EDIL3: variants seen among roughly 807,000 people sequenced by gnomAD.
EDIL3 encodes the protein EGF-like repeat and discoidin I-like domain-containing protein 3.
A neutral mutation model predicts 67.4 loss-of-function variants in EDIL3; 37 were observed. The ratio of observed to expected loss-of-function variants is 0.55; its 90% confidence interval spans 0.42 to 0.72. The LOEUF (loss-of-function observed/expected upper bound fraction) is 0.72. EDIL3 is among the 30% of genes least tolerant of loss of function. The pLI, the probability that EDIL3 is intolerant of heterozygous loss-of-function variation, is 0.00. For synonymous variants in EDIL3, 195 were observed against 196.3 expected, an observed-to-expected ratio of 0.99 and a Z score of 0.05; for missense variants, 527 against 586.3, an observed-to-expected ratio of 0.90 and a Z score of 1.04.
intron 3 of EDIL3, among the ~76,000 whole-genome samples, chr5:84,222,923 G>T (rs1268882503): frequency 1.3e-5 from 2 of 151,762 alleles, no homozygotes; most frequent in East Asian, 1.9e-4. Flanking sequence ...CTCACAATCT[G>T]CAGGCCATCA....
chr5:84,366,233 C>T (rs1747730823), intron 1 of EDIL3, among the ~76,000 whole-genome samples: 1 of 152,180 alleles, frequency 6.6e-6, no homozygotes, highest in Non-Finnish European at 1.5e-5. Context: ...AGATACTATA[C>T]TGTCGCCACC....
intron 3 of EDIL3, among the ~76,000 whole-genome samples, chr5:84,206,647 A>G (rs1018916981): frequency 3.3e-5 from 5 of 152,196 alleles, no homozygotes; most frequent in African/African-American, 7.2e-5. Flanking sequence ...AAAATCTTCA[A>G]TAAAATACTG....
intron 1 of EDIL3, among the ~76,000 whole-genome samples, chr5:84,255,786 G>A (rs1327273112): frequency 1.3e-5 from 2 of 152,124 alleles, no homozygotes; most frequent in Non-Finnish European, 2.9e-5. Context: ...CCTAAGTGCT[G>A]GAGCAGACCT....
At chr5:84,225,964 C>T (rs1293639381) in intron 3 of EDIL3, among the ~76,000 whole-genome samples, 4 of 151,472 alleles carry the variant, frequency 2.6e-5, no homozygotes, top group African/African-American at 9.7e-5. Context: ...GTAAAAAACG[C>T]TATTTATTGT....
chr5:84,182,039 GAAT>G (rs1243838186), intron 3 of EDIL3, among the ~76,000 whole-genome samples: 3 of 152,056 alleles, frequency 2.0e-5, no homozygotes, highest in Non-Finnish European at 4.4e-5. Flanking sequence ...CTGGACAAAT[GAAT>G]AATAATAACT....
intron 1 of EDIL3, among the ~76,000 whole-genome samples, chr5:84,373,243 A>G (rs553511325): frequency 6.6e-6 from 1 of 152,114 alleles, no homozygotes; most frequent in East Asian, 1.9e-4. Context: ...CTTGGGGCAC[A>G]AGATTTTGGG....
rs577023261 is a variant in EDIL3, at chr5:84,087,805, G to A, written c.651+18844C>T. On this transcript the variant is annotated intron_variant, in intron 6 of 10. Coordinates refer to ENST00000296591, the MANE Select transcript of EDIL3 (RefSeq NM_005711.5). ...TGGAATCTAGTTGAGGAGAGGGATA[G>A]GGTTAGGGAAAGCTTCCCTGAGGAA... Among the ~76,000 whole-genome samples the A allele has an allele frequency of 2.6e-5, 4 of 152,270 alleles. No homozygotes were observed. The South Asian group carries it at 8.3e-4, about 32-fold the overall frequency.
intron 1 of EDIL3, among the ~76,000 whole-genome samples, chr5:84,346,049 T>C (rs1165987761): frequency 2.0e-5 from 3 of 152,076 alleles, no homozygotes; most frequent in African/African-American, 7.2e-5. Context: ...TAAATTTCGT[T>C]TATTCTTTTA....
chr5:84,002,634 C>T (rs1745350872), intron 9 of EDIL3, among the ~76,000 whole-genome samples: 1 of 152,158 alleles, frequency 6.6e-6, no homozygotes, highest in South Asian at 2.1e-4. Context: ...TTTCTATATG[C>T]CAACAGTGAA....
At chr5:84,309,021 G>C (rs903925366) in intron 1 of EDIL3, among the ~76,000 whole-genome samples, 11 of 152,176 alleles carry the variant, frequency 7.2e-5, no homozygotes, top group Admixed American at 4.6e-4. Context: ...TTTATATAAA[G>C]ATACAGAACT....
chr5:84,222,496 G>A (rs1231234218), intron 3 of EDIL3, among the ~76,000 whole-genome samples: 1 of 151,708 alleles, frequency 6.6e-6, no homozygotes, highest in African/African-American at 2.4e-5. Context: ...TATTTTATAA[G>A]CTATATGTCC....
intron 4 of EDIL3, among the ~76,000 whole-genome samples, chr5:84,141,908 TATATATATATATATACAC>T (rs1176188452): frequency 1.1e-4 from 11 of 101,838 alleles, no homozygotes; most frequent in African/African-American, 4.2e-4. Context: ...AAACTACTCA[TATATATATATATATACAC>T]ATATATATAT....
chr5:84,214,807 C>T (rs1398381550), intron 3 of EDIL3, among the ~76,000 whole-genome samples: 1 of 151,818 alleles, frequency 6.6e-6, no homozygotes, highest in African/African-American at 2.4e-5. Flanking sequence ...CAACCTCCAC[C>T]TCCTGGGTTC....
intron 5 of EDIL3, 118 bp from the exon 6 acceptor site, chr5:84,106,948 T>A: frequency 1.8e-6 from 2 of 1,101,760 alleles, no homozygotes; most frequent in Non-Finnish European, 1.3e-6. Flanking sequence ...CCATGCTATT[T>A]ACTCTTCATC....
intron 1 of EDIL3, among the ~76,000 whole-genome samples, chr5:84,325,178 C>T (rs759020650): frequency 2.0e-5 from 3 of 151,580 alleles, no homozygotes; most frequent in East Asian, 3.9e-4. Flanking sequence ...ATTCTATCAG[C>T]GGAGAATTTT....
At chr5:84,138,951 T>C (rs1330322109) in intron 4 of EDIL3, among the ~76,000 whole-genome samples, 3 of 152,170 alleles carry the variant, frequency 2.0e-5, no homozygotes, top group African/African-American at 7.2e-5. Context: ...TAAAGTATGA[T>C]AGACTCAGCC....
At chr5:84,198,199 C>A (rs1743753189) in intron 3 of EDIL3, among the ~76,000 whole-genome samples, 1 of 151,600 alleles carries the variant, frequency 6.6e-6, no homozygotes, top group African/African-American at 2.4e-5. Context: ...GAGGATGATA[C>A]CATTAATGCA....
intron 9 of EDIL3, among the ~76,000 whole-genome samples, chr5:84,008,638 T>A (rs1745467060): frequency 6.6e-6 from 1 of 152,166 alleles, no homozygotes; most frequent in Non-Finnish European, 1.5e-5. Context: ...AATGTTTTAA[T>A]AATGTAAAAT....
chr5:84,380,085 G>T (rs1748043943), intron 1 of EDIL3, among the ~76,000 whole-genome samples: 1 of 151,678 alleles, frequency 6.6e-6, no homozygotes, highest in South Asian at 2.1e-4. Flanking sequence ...TATCACATAG[G>T]AAACCATGAG....
Sources: gnomAD v4.1 joint callset for allele counts (sites outside exome capture counted in the v4.1 genomes callset) on GRCh38, gnomAD v4.1.1 for gene constraint, MANE v1.5 for transcripts, NCBI Gene and HGNC (gene_info 2026-07-23, HGNC 2026-07-21) for gene names.